KCNAB1: variants seen among roughly 807,000 people sequenced by gnomAD.
KCNAB1 encodes voltage-gated potassium channel subunit beta-1.
Under a neutral mutation model 64.6 loss-of-function variants are expected in KCNAB1, and 35 were observed. The observed-to-expected ratio is 0.54, with a 90% CI of 0.41 to 0.72. The LOEUF (loss-of-function observed/expected upper bound fraction) is 0.72, where lower values mean the gene tolerates loss of function less well. Ranked by LOEUF, KCNAB1 falls within the 30% of genes least tolerant of loss-of-function variation. The pLI, the probability that KCNAB1 is intolerant of heterozygous loss-of-function variation, is 0.00. For synonymous variants in KCNAB1, 177 were observed against 183.8 expected (o/e 0.96, Z 0.30); for missense variants, 401 against 512.9 (o/e 0.78, Z 2.11).
intron 1 of KCNAB1, among the ~76,000 whole-genome samples, chr3:156,331,372 C>A (rs376618557): frequency 1.3e-5 from 2 of 152,010 alleles, no homozygotes; most frequent in African/African-American, 4.8e-5. Flanking sequence ...TCAGTGGTAC[C>A]GAATTGCTGG....
chr3:156,259,337 A>C (rs1159206744), intron 1 of KCNAB1, among the ~76,000 whole-genome samples: 1 of 152,204 alleles, frequency 6.6e-6, no homozygotes, highest in Non-Finnish European at 1.5e-5. Context: ...TTAATTAGGG[A>C]TATAAAATGT....
At chr3:156,343,454 A>G (rs1393258886) in intron 1 of KCNAB1, among the ~76,000 whole-genome samples, 2 of 152,216 alleles carry the variant, frequency 1.3e-5, no homozygotes, top group Non-Finnish European at 2.9e-5. Context: ...AAGTATACTC[A>G]GAGACCTGAG....
intron 1 of KCNAB1, chr3:156,291,670 C>T: frequency 1.4e-6 from 2 of 1,395,454 alleles, no homozygotes; most frequent in Non-Finnish European, 1.9e-6. Context: ...GTGACAACTT[C>T]GGGGCCGTCT....
chr3:156,346,842 T>C (rs1232246237), intron 1 of KCNAB1, among the ~76,000 whole-genome samples: 2 of 152,214 alleles, frequency 1.3e-5, no homozygotes, highest in Non-Finnish European at 2.9e-5. Context: ...AGATGAGTTT[T>C]CAGCAGATGT....
chr3:156,154,817 C>T (rs373693400), intron 1 of KCNAB1, among the ~76,000 whole-genome samples: 4 of 152,136 alleles, frequency 2.6e-5, no homozygotes, highest in African/African-American at 7.2e-5. Flanking sequence ...TCATGCGTTT[C>T]TACTTCAGAG....
At chr3:156,220,180 G>T (rs753303804) in intron 1 of KCNAB1, among the ~76,000 whole-genome samples, 2 of 152,090 alleles carry the variant, frequency 1.3e-5, no homozygotes, top group African/African-American at 4.8e-5. Flanking sequence ...ATAAATATAC[G>T]TGTGCATGTG....
At chr3:156,532,742 A>G (rs1239399192) in intron 13 of KCNAB1, among the ~76,000 whole-genome samples, 1 of 152,182 alleles carries the variant, frequency 6.6e-6, no homozygotes, top group African/African-American at 2.4e-5. Flanking sequence ...GGATTCTGTG[A>G]GGTTCCCTGT....
At chr3:156,291,505 C>T in intron 1 of KCNAB1, 5 of 1,069,120 alleles carry the variant, frequency 4.7e-6, no homozygotes, top group Non-Finnish European at 5.7e-6. Context: ...ATTCAGACAC[C>T]GCGGACCGGC....
At chr3:156,215,654 C>G (rs895348260) in intron 1 of KCNAB1, 2 of 152,200 alleles carry the variant, frequency 1.3e-5, no homozygotes, top group Non-Finnish European at 2.9e-5. Flanking sequence ...CACATAGATG[C>G]AGCAGCTTGA....
intron 1 of KCNAB1, among the ~76,000 whole-genome samples, chr3:156,418,163 A>G (rs1559874768): frequency 6.6e-6 from 1 of 152,250 alleles, no homozygotes; most frequent in Non-Finnish European, 1.5e-5. Flanking sequence ...AATCAAATGG[A>G]AAAATAATTC....
intron 1 of KCNAB1, among the ~76,000 whole-genome samples, chr3:156,241,106 G>A (rs866309171): frequency 3.3e-5 from 5 of 152,240 alleles, no homozygotes; most frequent in African/African-American, 7.2e-5. Context: ...TGCAGGCAGC[G>A]TGGCCTTCTG....
chr3:156,154,000 T>C (rs772830137), intron 1 of KCNAB1, among the ~76,000 whole-genome samples: 1 of 152,256 alleles, frequency 6.6e-6, no homozygotes, highest in Non-Finnish European at 1.5e-5. Flanking sequence ...GTTGTGTTTA[T>C]CTGGAAAACT....
At chr3:156,532,755 C>A (rs1576985926) in intron 13 of KCNAB1, among the ~76,000 whole-genome samples, 1 of 152,170 alleles carries the variant, frequency 6.6e-6, no homozygotes, top group Admixed American at 6.5e-5. Context: ...TTCCCTGTAG[C>A]TACGTGAGGA....
intron 1 of KCNAB1, among the ~76,000 whole-genome samples, chr3:156,202,488 C>T (rs950858910): frequency 2.0e-5 from 3 of 152,194 alleles, no homozygotes; most frequent in African/African-American, 7.2e-5. Context: ...CCTAATGTCC[C>T]TGTCCCTCAG....
intron 1 of KCNAB1, among the ~76,000 whole-genome samples, chr3:156,320,449 G>A (rs1421389961): frequency 6.6e-6 from 1 of 152,210 alleles, no homozygotes; most frequent in Non-Finnish European, 1.5e-5. Flanking sequence ...TTTATTTGAG[G>A]ACAGCTTCCT....
At chr3:156,277,883 A>C (rs1031431053) in intron 1 of KCNAB1, among the ~76,000 whole-genome samples, 2 of 152,150 alleles carry the variant, frequency 1.3e-5, no homozygotes, top group Non-Finnish European at 2.9e-5. Context: ...AAGAGTTCCC[A>C]CATCCTTGCC....
upstream of KCNAB1, among the ~76,000 whole-genome samples, chr3:156,118,732 G>C (rs145470139): frequency 2.0e-4 from 30 of 152,358 alleles, no homozygotes; most frequent in Admixed American, 2.0e-3. Flanking sequence ...GAAGCCCTCT[G>C]TCTCTTTGGC....
chr3:156,309,058 T>C (rs1315525257), intron 1 of KCNAB1, among the ~76,000 whole-genome samples: 2 of 152,192 alleles, frequency 1.3e-5, no homozygotes, highest in African/African-American at 4.8e-5. Flanking sequence ...AAAATAATCT[T>C]CCCTCCAGTT....
intron 1 of KCNAB1, among the ~76,000 whole-genome samples, chr3:156,283,792 C>G (rs1301691053): frequency 6.6e-6 from 1 of 152,148 alleles, no homozygotes; most frequent in Non-Finnish European, 1.5e-5. Context: ...TCACGTAGTT[C>G]TGGAGCCTTG....
Sources: gnomAD v4.1 joint callset for allele counts (sites outside exome capture counted in the v4.1 genomes callset) on GRCh38, gnomAD v4.1.1 for gene constraint, MANE v1.5 for transcripts, NCBI Gene and HGNC (gene_info 2026-07-23, HGNC 2026-07-21) for gene names.